NAALADL2: variants seen among roughly 807,000 people sequenced by gnomAD.
NAALADL2 encodes the protein N-acetylated alpha-linked acidic dipeptidase like 2, also known as inactive N-acetylated-alpha-linked acidic dipeptidase-like protein 2.
NAALADL2 carries 76 observed loss-of-function variants against 87.2 expected under a neutral mutation model. The observed-to-expected ratio is 0.87, with a 90% CI of 0.72 to 1.05. The LOEUF is 1.05. NAALADL2 is among the 50% of genes least tolerant of loss of function. The pLI is 0.00. For synonymous variants in NAALADL2, 354 were observed against 331.0 expected (o/e 1.07, Z -0.75); for missense variants, 1,089 against 945.8 (o/e 1.15, Z -1.99).
intron 2 of NAALADL2, among the ~76,000 whole-genome samples, chr3:174,713,648 G>C (rs539843996): frequency 6.6e-6 from 1 of 152,000 alleles, no homozygotes; most frequent in South Asian, 2.1e-4. Context: ...TTTTGATGGG[G>C]TTGTTTTTTT....
intron 1 of NAALADL2, among the ~76,000 whole-genome samples, chr3:174,992,265 T>C (rs1248212369): frequency 6.6e-6 from 1 of 152,132 alleles, no homozygotes. Context: ...TTGAATTTTC[T>C]GTTACTGTAG....
chr3:174,632,705 G>C (rs1488838464), intron 2 of NAALADL2, among the ~76,000 whole-genome samples: 9 of 152,158 alleles, frequency 5.9e-5, no homozygotes, highest in African/African-American at 1.9e-4. Context: ...GGAGGCTGAG[G>C]CAGGCAGATT....
chr3:174,953,925 C>G (rs1017131132), intron 1 of NAALADL2, among the ~76,000 whole-genome samples: 3 of 152,048 alleles, frequency 2.0e-5, no homozygotes, highest in African/African-American at 7.2e-5. Flanking sequence ...GGCTAGATTT[C>G]AGGGAAGTTA....
At chr3:174,442,168 G>C (rs1577921525) in intron 1 of NAALADL2, among the ~76,000 whole-genome samples, 1 of 152,122 alleles carries the variant, frequency 6.6e-6, no homozygotes, top group Non-Finnish European at 1.5e-5. Context: ...AAGAGATTCC[G>C]TTCCTGTCCT....
At chr3:174,718,352 C>T (rs1731402241) in intron 2 of NAALADL2, among the ~76,000 whole-genome samples, 1 of 152,056 alleles carries the variant, frequency 6.6e-6, no homozygotes, top group Non-Finnish European at 1.5e-5. Flanking sequence ...GAGATTATTA[C>T]AAAAGCTAAA....
At chr3:175,334,483 C>T (rs73047264) in intron 5 of NAALADL2, among the ~76,000 whole-genome samples, 2 of 152,118 alleles carry the variant, frequency 1.3e-5, no homozygotes, top group Non-Finnish European at 2.9e-5. Flanking sequence ...CTTCACCTAC[C>T]CCCTATAAGA....
At chr3:174,618,382 G>A (rs1720683473) in intron 2 of NAALADL2, among the ~76,000 whole-genome samples, 1 of 151,702 alleles carries the variant, frequency 6.6e-6, no homozygotes, top group Non-Finnish European at 1.5e-5. Flanking sequence ...ATTCTGTCAA[G>A]TCTCTATTAT....
At chr3:174,566,442 C>A (rs928008445) in intron 2 of NAALADL2, among the ~76,000 whole-genome samples, 4 of 151,744 alleles carry the variant, frequency 2.6e-5, no homozygotes, top group Non-Finnish European at 5.9e-5. Context: ...CTTTTCACCT[C>A]CTCTTTTTAC....
At chr3:175,490,480 G>C (rs1051640048) in intron 9 of NAALADL2, among the ~76,000 whole-genome samples, 2 of 151,762 alleles carry the variant, frequency 1.3e-5, no homozygotes, top group East Asian at 3.9e-4. Flanking sequence ...TCTGCCTCCC[G>C]GGTTCACACC....
At chr3:174,952,443 T>C (rs1310467160) in intron 1 of NAALADL2, among the ~76,000 whole-genome samples, 2 of 152,116 alleles carry the variant, frequency 1.3e-5, no homozygotes, top group African/African-American at 2.4e-5. Flanking sequence ...AATTTTCCTA[T>C]AACCTCAGAG....
chr3:175,684,802 C>CA (rs201188476), intron 11 of NAALADL2, among the ~76,000 whole-genome samples: 2,471 of 150,564 alleles, frequency 0.016, 76 homozygotes, highest in African/African-American at 0.057. Context: ...GGAATTGTCT[C>CA]AAAAAAAAAT....
intron 9 of NAALADL2, among the ~76,000 whole-genome samples, chr3:175,479,868 C>T (rs886953039): frequency 6.6e-6 from 1 of 151,544 alleles, no homozygotes; most frequent in African/African-American, 2.4e-5. Context: ...CCTGAAAAAA[C>T]AGTTCTCCTA....
intron 1 of NAALADL2, among the ~76,000 whole-genome samples, chr3:174,986,614 ACAAT>A (rs1337812065): frequency 2.0e-5 from 3 of 152,246 alleles, no homozygotes; most frequent in South Asian, 4.1e-4. Context: ...ATTAATATGG[ACAAT>A]CAAAGTTTGA....
At chr3:175,081,055 G>C (rs762464622) in intron 1 of NAALADL2, 24 of 152,164 alleles carry the variant, frequency 1.6e-4, no homozygotes, top group Non-Finnish European at 3.2e-4. Context: ...ATTGTAAATG[G>C]GACACTGACC....
intron 11 of NAALADL2, among the ~76,000 whole-genome samples, chr3:175,731,359 A>G (rs999090262): frequency 3.3e-5 from 5 of 152,298 alleles, no homozygotes; most frequent in African/African-American, 1.2e-4. Flanking sequence ...AAATTTGGTT[A>G]TTGATATTTT....
chr3:174,673,543 C>T (rs1726766431), intron 2 of NAALADL2, among the ~76,000 whole-genome samples: 1 of 150,680 alleles, frequency 6.6e-6, no homozygotes, highest in Admixed American at 6.7e-5. Flanking sequence ...ATAAGCCAGG[C>T]ACAGAAAAAC....
intron 5 of NAALADL2, among the ~76,000 whole-genome samples, chr3:175,423,051 ATT>A (rs201372383): frequency 0.02 from 1,808 of 91,364 alleles, 29 homozygotes; most frequent in Non-Finnish European, 0.022. Context: ...ATATATATAT[ATT>A]TTTTTTTTTT....
chr3:175,328,570 C>T (rs1020456811), intron 5 of NAALADL2, among the ~76,000 whole-genome samples: 4 of 152,032 alleles, frequency 2.6e-5, no homozygotes, highest in Admixed American at 6.6e-5. Flanking sequence ...AACTGTGATC[C>T]GAATAAATCT....
intron 1 of NAALADL2, chr3:174,863,802 T>C (rs1194991480): frequency 3.6e-6 from 1 of 280,772 alleles, no homozygotes; most frequent in Admixed American, 4.9e-5. Context: ...TATGTGACTC[T>C]TCCTTCCCAG....
Sources: allele counts gnomAD v4.1 joint callset (sites outside exome capture counted in the v4.1 genomes callset), GRCh38; gene constraint gnomAD v4.1.1; transcripts MANE v1.5; gene names NCBI Gene and HGNC (gene_info 2026-07-23, HGNC 2026-07-21).